TAOK1: variants seen among roughly 807,000 people sequenced by gnomAD.
TAOK1 encodes TAO kinase 1.
In TAOK1, 21 loss-of-function variants were observed where a neutral mutation model predicts 138.3. The ratio of observed to expected loss-of-function variants is 0.15; its 90% CI spans 0.11 to 0.22. TAOK1 has a LOEUF of 0.22. TAOK1 is among the 10% of genes least tolerant of loss of function. The pLI, the probability that TAOK1 is intolerant of heterozygous loss-of-function variation, is 1.00. For missense variants in TAOK1, 651 were observed against 1,227.7 expected (o/e 0.53, Z 7.02); for synonymous variants, 361 against 398.4 (o/e 0.91, Z 1.12).
chr17:29,442,285 G>A (rs888607671), intron 1 of TAOK1, among the ~76,000 whole-genome samples: 1 of 151,320 alleles, frequency 6.6e-6, no homozygotes, highest in Non-Finnish European at 1.5e-5. Context: ...GGCTCAAGTT[G>A]TTTTCCCACC....
intron 1 of TAOK1, among the ~76,000 whole-genome samples, chr17:29,397,624 A>ACC (rs1297616288): frequency 2.1e-5 from 1 of 47,130 alleles, no homozygotes; most frequent in Non-Finnish European, 3.5e-5. Context: ...ATATATATAT[A>ACC]TATATACATG....
chr17:29,470,743 T>C (rs890183801), intron 3 of TAOK1, among the ~76,000 whole-genome samples: 1 of 152,312 alleles, frequency 6.6e-6, no homozygotes, highest in East Asian at 1.9e-4. Flanking sequence ...TTGGAGATAT[T>C]GTGGGTTTTG....
In TAOK1 at chr17:29,460,077, T is replaced by C. The variant is rs879623290; in HGVS notation, c.133-7068T>C. Among the ~76,000 whole-genome samples the C allele has an allele frequency of 7.2e-5, 11 of 152,374 alleles. No homozygotes were observed. The South Asian group carries it at 8.3e-4, about 11-fold the overall frequency. Reference sequence around the variant, plus strand: ...TCTACAAAGTGGTGAAAGTAATGTTTCTTGCCCTTTTCCTTTTATTAAAGA... The same window carrying C: ...TCTACAAAGTGGTGAAAGTAATGTTCCTTGCCCTTTTCCTTTTATTAAAGA... On this transcript the variant is annotated intron_variant, in intron 2 of 19. Coordinates refer to ENST00000261716, the MANE Select transcript of TAOK1 (RefSeq NM_020791.4).
intron 1 of TAOK1, among the ~76,000 whole-genome samples, chr17:29,444,784 G>T (rs2030035333): frequency 6.6e-6 from 1 of 152,092 alleles, no homozygotes; most frequent in Non-Finnish European, 1.5e-5. Flanking sequence ...ACAATATTGA[G>T]TCATTCACTC....
At chr17:29,479,421 G>A (rs1010495423) in intron 6 of TAOK1, among the ~76,000 whole-genome samples, 4 of 151,734 alleles carry the variant, frequency 2.6e-5, no homozygotes, top group African/African-American at 9.7e-5. Context: ...ATACCCACAA[G>A]CTAGTAAATA....
At position 29,518,269 on chromosome 17, in the gene TAOK1, G is replaced by A. The variant is rs557980848; in HGVS notation, c.1908+613G>A. ...GCAGGCAGATCACTTGATCCTAGGA[G>A]TTTGAGACCAGACAGGGCAACATGA... On this transcript the variant is annotated intron_variant, in intron 16 of 19. Coordinates refer to ENST00000261716, the MANE Select transcript of TAOK1 (RefSeq NM_020791.4). Among the ~76,000 whole-genome samples the A allele has an allele frequency of 8.2e-4, 125 of 152,192 alleles. 1 individual carries two copies. The highest frequency in any genetic ancestry group is 1.6e-3 in the Non-Finnish European group (111 of 68,030).
chr17:29,530,657 C>A (rs1281670776), intron 18 of TAOK1, 38 bp downstream of exon 18: 1 of 1,532,656 alleles, frequency 6.5e-7, no homozygotes, highest in South Asian at 1.1e-5. Flanking sequence ...AAATTTAGTG[C>A]CCCTTTTCTT....
intron 9 of TAOK1, 128 bp downstream of exon 9, chr17:29,489,885 T>G: frequency 2.0e-6 from 1 of 507,554 alleles, no homozygotes; most frequent in African/African-American, 2.0e-5. Flanking sequence ...AAAATAGATG[T>G]ATTTTACCCT....
Position 29,525,507 on chromosome 17 carries a change from C to T in TAOK1, c.2148+2988C>T, listed in dbSNP as rs1386712221. ...GCAACCTCTGCCTCCCAGGATCAAG[C>T]GATTCTCATGCCTCAGCCTCCCAAG... is the stretch of plus-strand genomic sequence containing the variant. On this transcript the variant is annotated intron_variant, in intron 17 of 19. Coordinates refer to ENST00000261716, the MANE Select transcript of TAOK1 (RefSeq NM_020791.4). Among the ~76,000 whole-genome samples, 4 of 152,088 alleles carry T rather than the reference C, an allele frequency of 2.6e-5. No homozygotes were observed. In the South Asian group the frequency reaches 8.3e-4, roughly 32 times the overall value.
intron 1 of TAOK1, among the ~76,000 whole-genome samples, chr17:29,449,422 A>C (rs993598279): frequency 1.3e-5 from 2 of 152,312 alleles, no homozygotes; most frequent in African/African-American, 4.8e-5. Flanking sequence ...TGTGGTGTTA[A>C]TTTAGGGGGG....
intron 2 of TAOK1, among the ~76,000 whole-genome samples, chr17:29,465,310 C>T (rs901521668): frequency 6.0e-5 from 9 of 151,090 alleles, no homozygotes; most frequent in Non-Finnish European, 1.3e-4. Context: ...TGCGCCACCA[C>T]ACCTGGCTGT....
chr17:29,463,414 A>T (rs114876546), intron 2 of TAOK1, among the ~76,000 whole-genome samples: 2 of 151,822 alleles, frequency 1.3e-5, no homozygotes, highest in Non-Finnish European at 2.9e-5. Context: ...TACTGAAAAT[A>T]AAAAAAATTA....
intron 12 of TAOK1, among the ~76,000 whole-genome samples, chr17:29,502,290 C>A (rs2153028659): frequency 6.6e-6 from 1 of 152,256 alleles, no homozygotes; most frequent in South Asian, 2.1e-4. Flanking sequence ...ATTAGCCTGG[C>A]CTGATGGCCC....
intron 17 of TAOK1, among the ~76,000 whole-genome samples, chr17:29,525,440 C>T (rs969967074): frequency 6.6e-5 from 10 of 150,888 alleles, no homozygotes; most frequent in African/African-American, 2.4e-4. Flanking sequence ...GAGTTTCGCT[C>T]TTGTCGCCTA....
intron 12 of TAOK1, among the ~76,000 whole-genome samples, chr17:29,500,586 C>T (rs2153028489): frequency 6.6e-6 from 1 of 151,944 alleles, no homozygotes; most frequent in Middle Eastern, 3.4e-3. Flanking sequence ...ACTAAAAATA[C>T]AAAAATTAGC....
chr17:29,533,208 G>T (rs1567747614), intron 18 of TAOK1, among the ~76,000 whole-genome samples: 2 of 148,110 alleles, frequency 1.4e-5, no homozygotes, highest in Admixed American at 6.7e-5. Flanking sequence ...AGATGGGGTG[G>T]CGGGGCAGAG....
At chr17:29,537,808 CCTAA>C (rs762307670) in intron 19 of TAOK1, among the ~76,000 whole-genome samples, 163 of 152,140 alleles carry the variant, frequency 1.1e-3, no homozygotes, top group Non-Finnish European at 2.0e-3. Flanking sequence ...TTTAAAACAA[CCTAA>C]CTATTTAAAA....
intron 17 of TAOK1, 34 bp downstream of exon 17, chr17:29,522,553 G>A (rs1185017811): frequency 4.3e-6 from 7 of 1,610,710 alleles, no homozygotes; most frequent in Non-Finnish European, 5.1e-6. Flanking sequence ...ATAACAGGGA[G>A]GAGAATGAAA....
chr17:29,493,094 C>A (rs546241970), intron 10 of TAOK1, among the ~76,000 whole-genome samples: 7 of 151,872 alleles, frequency 4.6e-5, no homozygotes, highest in Admixed American at 4.6e-4. Flanking sequence ...GAGCCAAGAT[C>A]GTGCCACTGT....
Sources: gnomAD v4.1 joint callset for allele counts (sites outside exome capture counted in the v4.1 genomes callset) on GRCh38, gnomAD v4.1.1 for gene constraint, MANE v1.5 for transcripts, NCBI Gene and HGNC (gene_info 2026-07-23, HGNC 2026-07-21) for gene names.